SPINK6: variants seen among roughly 807,000 people sequenced by gnomAD.
The protein encoded by SPINK6 is serine protease inhibitor Kazal-type 6.
Under a neutral mutation model 11.7 loss-of-function variants are expected in SPINK6, and 13 were observed. The observed-to-expected ratio is 1.11, with a 90% CI of 0.72 to 1.76. SPINK6 has a LOEUF of 1.76. SPINK6 is among the 40% of genes most tolerant of loss of function. SPINK6 has a pLI of 0.00. For synonymous variants in SPINK6, 21 were observed against 31.9 expected, an observed-to-expected ratio of 0.66 and a Z score of 1.15; for missense variants, 98 against 93.7, an observed-to-expected ratio of 1.05 and a Z score of -0.19.
chr5:148,203,217 T>C lies in SPINK6; in HGVS notation c.58+63T>C, dbSNP rs1013792817. ...CTGAACTGGATATGATGAGTAGTTG[T>C]TTATCATATTTTAAATCCTAATGAT... On this transcript the variant is annotated intron_variant, in intron 1 of 3. Transcript: ENST00000325630. 9.3e-5 allele frequency: 107 copies of C among 1,154,346 alleles called. 1 individual carries two copies. The Middle Eastern group carries it at 1.1e-3, about 12-fold the overall frequency. The allele number at this position is 1,154,346 out of a possible 1,614,324, so 71.5% of individuals were successfully genotyped here.
chr5:148,208,307 A>G (rs561162815), intron 2 of SPINK6, among the ~76,000 whole-genome samples: 111 of 152,212 alleles, frequency 7.3e-4, no homozygotes, highest in African/African-American at 2.6e-3. Context: ...AAGCTCCTAT[A>G]CTTTTAAATG....
intron 3 of SPINK6, 144 bp downstream of exon 3, chr5:148,214,169 A>G (rs1024224519): frequency 1.7e-5 from 9 of 514,590 alleles, no homozygotes; most frequent in Non-Finnish European, 2.7e-5. Context: ...TTGATTGAAA[A>G]CAGATGGGTC....
chr5:148,210,007 C>CATACACACGTATGTATGT lies in SPINK6; in HGVS notation c.82-3901_82-3900insACACACGTATGTATGTAT, dbSNP rs1554112271. The stretch of plus-strand genomic sequence containing the variant: ...ATGTATACATATACACGTATGTATA[C>CATACACACGTATGTATGT]ATGTATGTACGCATGTACGCATGCA... On this transcript the variant is annotated intron_variant, in intron 2 of 3. Coordinates refer to ENST00000325630, the MANE Select transcript of SPINK6 (RefSeq NM_205841.4). Among the ~76,000 whole-genome samples, 7 of 105,728 alleles carry CATACACACGTATGTATGT rather than the reference C, an allele frequency of 6.6e-5. 1 individual carries two copies. The highest frequency in any genetic ancestry group is 1.0e-4 in the African/African-American group (2 of 19,652). 69.4% of individuals were successfully genotyped at this position (105,728 alleles called of 152,430 possible). A position where few individuals can be genotyped will look rare whatever the true frequency, so the allele number is the denominator to read the frequency against.
intron 2 of SPINK6, among the ~76,000 whole-genome samples, chr5:148,212,821 A>G (rs1755630526): frequency 7.2e-6 from 1 of 138,892 alleles, no homozygotes; most frequent in African/African-American, 2.6e-5. Context: ...ACATAGCAAG[A>G]CTATCTCTAA....
At chr5:148,210,034 A>G (rs13154874) in intron 2 of SPINK6, among the ~76,000 whole-genome samples, 109,517 of 137,528 alleles carry the variant, frequency 0.8, 47,032 homozygotes, top group Middle Eastern at 0.94. Flanking sequence ...ACGCATGCAC[A>G]AACGTATGTA....
chr5:148,206,434 T>G (rs1260782261), intron 2 of SPINK6, among the ~76,000 whole-genome samples: 1 of 152,176 alleles, frequency 6.6e-6, no homozygotes, highest in Non-Finnish European at 1.5e-5. Context: ...ATATTTAAAT[T>G]ATTTAAACAA....
intron 2 of SPINK6, among the ~76,000 whole-genome samples, chr5:148,207,116 T>C (rs1306642021): frequency 1.3e-5 from 2 of 152,090 alleles, no homozygotes; most frequent in African/African-American, 4.8e-5. Context: ...TATGAAACTG[T>C]ATACCTTCAA....
At chr5:148,208,110 T>C (rs920950838) in intron 2 of SPINK6, among the ~76,000 whole-genome samples, 4 of 152,192 alleles carry the variant, frequency 2.6e-5, no homozygotes, top group Admixed American at 2.6e-4. Context: ...CATTCATACT[T>C]ACTTGCTGTA....
chr5:148,206,164 C>G, intron 2 of SPINK6, 106 bp downstream of exon 2: 1 of 1,171,186 alleles, frequency 8.5e-7, no homozygotes, highest in Non-Finnish European at 1.3e-6. Flanking sequence ...AAACAATGAG[C>G]AGGCAAACCT....
rs140261664 is a variant in SPINK6 at position 148,206,388 on chromosome 5, GA to G, written c.81+334del. ...CTGAGCTGCAAGTTCCACAACTATA[GA>G]AAAGGGATAATATTCACTTCATAGA... On this transcript the variant is annotated intron_variant, in intron 2 of 3. Transcript: ENST00000325630. Among the ~76,000 whole-genome samples, 1,617 of 152,122 alleles carry G rather than the reference GA, an allele frequency of 0.011. 104 individuals carry two copies. In the East Asian group the frequency reaches 0.2, roughly 19 times the overall value.
At chr5:148,204,197 C>T (rs1309472941) in intron 1 of SPINK6, among the ~76,000 whole-genome samples, 1 of 151,664 alleles carries the variant, frequency 6.6e-6, no homozygotes, top group Non-Finnish European at 1.5e-5. Flanking sequence ...TGTAGCTGGT[C>T]ATAATTACAA....
intron 3 of SPINK6, 45 bp from the exon 4 acceptor site, chr5:148,214,860 C>G (rs769877897): frequency 1.3e-6 from 2 of 1,496,410 alleles, no homozygotes; most frequent in African/African-American, 2.8e-5. Flanking sequence ...ATGGTGAGTA[C>G]TTACGATATT....
chr5:148,211,613 C>T (rs545019063), intron 2 of SPINK6, among the ~76,000 whole-genome samples: 1 of 152,218 alleles, frequency 6.6e-6, no homozygotes, highest in East Asian at 1.9e-4. Context: ...GAGGTGCAGG[C>T]ATCGAGTCCG....
intron 2 of SPINK6, among the ~76,000 whole-genome samples, chr5:148,212,527 A>ATATTTTATATATATAAAGTATG (rs1755613849): frequency 8.6e-6 from 1 of 116,900 alleles, no homozygotes; most frequent in Non-Finnish European, 1.6e-5. Flanking sequence ...TATAAAGTAT[A>ATATTTTATATATATAAAGTATG]TATTTTATAT....
chr5:148,205,266 A>T (rs1755482865), intron 1 of SPINK6, among the ~76,000 whole-genome samples: 1 of 152,164 alleles, frequency 6.6e-6, no homozygotes, highest in East Asian at 1.9e-4. Context: ...GGATTGGGAA[A>T]GGAGTCCCAT....
Position 148,207,552 on chromosome 5 carries a change from C to T in SPINK6, c.81+1494C>T, listed in dbSNP as rs920723346. On this transcript the variant is annotated intron_variant, in intron 2 of 3. Coordinates refer to ENST00000325630, the MANE Select transcript of SPINK6 (RefSeq NM_205841.4). ...GTCTCCTTAAAACCTACTGAAGGGC[C>T]GGGCACGGTGCCTCATGCCTGTAAT... is the stretch of plus-strand genomic sequence containing the variant. Among the ~76,000 whole-genome samples the T allele has an allele frequency of 9.2e-5, 14 of 152,160 alleles. 1 individual carries two copies. Among genetic ancestry groups the T allele is most frequent in the Admixed American group, 7.2e-4 (11 of 15,276 alleles).
chr5:148,204,951 C>T (rs1250615054), intron 1 of SPINK6, among the ~76,000 whole-genome samples: 1 of 151,976 alleles, frequency 6.6e-6, no homozygotes, highest in Non-Finnish European at 1.5e-5. Context: ...TATGGACTGT[C>T]CAGGAACTCT....
chr5:148,206,094 G>C, intron 2 of SPINK6, 36 bp downstream of exon 2: 1 of 1,613,462 alleles, frequency 6.2e-7, no homozygotes, highest in Non-Finnish European at 8.5e-7. Context: ...TTCTGCCTGG[G>C]TGGTGCTTGG....
chr5:148,212,608 A>G (rs1755621289), intron 2 of SPINK6, among the ~76,000 whole-genome samples: 1 of 106,384 alleles, frequency 9.4e-6, no homozygotes, highest in South Asian at 2.4e-4. Flanking sequence ...AATATATAAT[A>G]TATATTTATA....
Sources: gnomAD v4.1 joint callset for allele counts (sites outside exome capture counted in the v4.1 genomes callset) on GRCh38, gnomAD v4.1.1 for gene constraint, MANE v1.5 for transcripts, NCBI Gene and HGNC (gene_info 2026-07-23, HGNC 2026-07-21) for gene names.